The following EFCAB8 variants were observed in gnomAD, a reference collection of about 807,000 sequenced individuals.
The protein encoded by EFCAB8 is EF-hand calcium-binding domain-containing protein 8.
A neutral mutation model predicts 116.3 loss-of-function variants in EFCAB8; 100 were observed. That is an observed-to-expected ratio of 0.86 (90% CI 0.73 to 1.02). The LOEUF is 1.02. EFCAB8 is among the 50% of genes least tolerant of loss of function. The probability of loss-of-function intolerance (pLI) is 0.00; values close to 1 mark genes in which losing one functional copy is unlikely to be tolerated. For missense variants in EFCAB8, 1,320 were observed against 1,416.9 expected (o/e 0.93, Z 1.10); for synonymous variants, 558 against 567.9 (o/e 0.98, Z 0.25).
intron 23 of EFCAB8, among the ~76,000 whole-genome samples, chr20:32,953,782 C>G (rs1988872335): frequency 6.6e-6 from 1 of 152,038 alleles, no homozygotes; most frequent in Non-Finnish European, 1.5e-5. Flanking sequence ...GCTTCGTTTT[C>G]ATTGGGTTGA....
chr20:32,960,316 G>C (rs1028439061), intron 26 of EFCAB8, among the ~76,000 whole-genome samples, 155 bp downstream of exon 26: 3 of 152,200 alleles, frequency 2.0e-5, no homozygotes, highest in Non-Finnish European at 2.9e-5. Context: ...GACAGGTCTG[G>C]GATGAGACTA....
intron 22 of EFCAB8, among the ~76,000 whole-genome samples, chr20:32,935,443 G>A (rs1988082187): frequency 6.6e-6 from 1 of 151,872 alleles, no homozygotes; most frequent in African/African-American, 2.4e-5. Flanking sequence ...CAAGTGATCT[G>A]CCCGCCTTGG....
intron 3 of EFCAB8, among the ~76,000 whole-genome samples, chr20:32,870,810 C>T (rs1295533578): frequency 1.3e-5 from 2 of 151,948 alleles, no homozygotes; most frequent in East Asian, 1.9e-4. Context: ...CCTCCTATGA[C>T]CTTTGGAAAT....
intron 2 of EFCAB8, among the ~76,000 whole-genome samples, chr20:32,864,631 C>T (rs1984296649): frequency 6.6e-6 from 1 of 152,052 alleles, no homozygotes; most frequent in African/African-American, 2.4e-5. Context: ...CACACCCGAG[C>T]CCCCTGATGT....
chr20:32,908,195 G>A (rs1986766436), intron 13 of EFCAB8, 80 bp from the exon 14 acceptor site: 5 of 1,234,602 alleles, frequency 4.0e-6, no homozygotes, highest in Non-Finnish European at 4.1e-6. Context: ...CTTGTTCGCC[G>A]GAGGCACCCC....
chr20:32,935,188 C>CTTTA (rs754022404), intron 22 of EFCAB8, among the ~76,000 whole-genome samples: 1 of 66,930 alleles, frequency 1.5e-5, no homozygotes. Flanking sequence ...TTCTTTCTTT[C>CTTTA]TTTCTTTTTT....
At chr20:32,931,781 C>A (rs968640633) in intron 22 of EFCAB8, among the ~76,000 whole-genome samples, 2 of 151,924 alleles carry the variant, frequency 1.3e-5, no homozygotes, top group African/African-American at 4.8e-5. Context: ...AGTTAGTATT[C>A]GTAATAATGC....
intron 20 of EFCAB8, among the ~76,000 whole-genome samples, chr20:32,929,226 C>G (rs1325979758): frequency 6.6e-6 from 1 of 151,386 alleles, no homozygotes; most frequent in African/African-American, 2.4e-5. Flanking sequence ...GTTATCTCCT[C>G]TTCAGTATTC....
At chr20:32,922,017 C>T (rs1352856311) in intron 20 of EFCAB8, among the ~76,000 whole-genome samples, 4 of 151,870 alleles carry the variant, frequency 2.6e-5, no homozygotes, top group Non-Finnish European at 5.9e-5. Context: ...CTAGTAGAGT[C>T]GGGGTTTCAC....
At chr20:32,911,274 ACGTTCCAGTG>A (rs1475895830) in intron 15 of EFCAB8, among the ~76,000 whole-genome samples, 196 bp from the exon 16 acceptor site, 1 of 152,118 alleles carries the variant, frequency 6.6e-6, no homozygotes, top group Non-Finnish European at 1.5e-5. Context: ...TCTTCACCAA[ACGTTCCAGTG>A]CGTTCCAGTT....
At chr20:32,924,343 C>A (rs919271034) in intron 20 of EFCAB8, among the ~76,000 whole-genome samples, 3 of 152,296 alleles carry the variant, frequency 2.0e-5, no homozygotes, top group African/African-American at 7.2e-5. Flanking sequence ...GGATTACAGG[C>A]ATAAGCCACC....
intron 10 of EFCAB8, 182 bp from the exon 11 acceptor site, chr20:32,898,311 T>A: frequency 3.7e-6 from 2 of 547,752 alleles, no homozygotes; most frequent in South Asian, 5.3e-5. Context: ...AGATGGCCAG[T>A]GCTGGTCATA....
chr20:32,921,361 TTGTGTGTGTG>T (rs71858676), intron 20 of EFCAB8, among the ~76,000 whole-genome samples: 5 of 129,152 alleles, frequency 3.9e-5, no homozygotes, highest in East Asian at 2.2e-4. Context: ...CCCAGCTATT[TTGTGTGTGTG>T]TGTGTGTGTG....
In EFCAB8 at chr20:32,885,565, G is replaced by A. The variant is rs1985582868; in HGVS notation, c.492G>A (p.Gly164=). The change falls in exon 6 of 27, where the codon GGG becomes GGA. Residue 164 remains glycine (G), a synonymous_variant. Transcript: ENST00000400522. ...VFLIHRFKKI[G]CFLTVTKDGI... ...TAATCCACCGGTTCAAGAAGATCGG[G>A]TGTTTCCTGACTGTCACCAAAGACG... 2 of 1,551,770 alleles carry A rather than the reference G, an allele frequency of 1.3e-6. No individual in the cohort carries two copies. Among genetic ancestry groups the A allele is most frequent in the Non-Finnish European group, 1.7e-6 (2 of 1,147,004 alleles).
intron 11 of EFCAB8, among the ~76,000 whole-genome samples, chr20:32,899,566 C>T (rs1000859571): frequency 1.1e-4 from 17 of 152,100 alleles, no homozygotes; most frequent in African/African-American, 3.6e-4. Flanking sequence ...GCCACCACTT[C>T]TGGTTTTTTT....
intron 23 of EFCAB8, among the ~76,000 whole-genome samples, chr20:32,956,612 G>A (rs1212835699): frequency 6.6e-6 from 1 of 152,106 alleles, no homozygotes; most frequent in Non-Finnish European, 1.5e-5. Context: ...AAATCATTCA[G>A]TGGTCTTCTG....
intron 22 of EFCAB8, among the ~76,000 whole-genome samples, chr20:32,939,491 G>A (rs1349980688): frequency 1.4e-5 from 2 of 146,132 alleles, no homozygotes; most frequent in African/African-American, 2.6e-5. Flanking sequence ...CACTGTATTG[G>A]TCACGCTGGT....
chr20:32,960,740 C>T (rs1989121203), intron 26 of EFCAB8, among the ~76,000 whole-genome samples: 1 of 152,198 alleles, frequency 6.6e-6, no homozygotes, highest in Non-Finnish European at 1.5e-5. Flanking sequence ...AATGAGATAA[C>T]ACCGAAGGCC....
chr20:32,874,948 C>A (rs1453163840), intron 3 of EFCAB8, among the ~76,000 whole-genome samples: 1 of 151,926 alleles, frequency 6.6e-6, no homozygotes, highest in Non-Finnish European at 1.5e-5. Context: ...AGGGTTTTGC[C>A]ATGTTGGTCA....
Sources: allele counts gnomAD v4.1 joint callset (sites outside exome capture counted in the v4.1 genomes callset), GRCh38; gene constraint gnomAD v4.1.1; transcripts MANE v1.5; gene names NCBI Gene and HGNC (gene_info 2026-07-23, HGNC 2026-07-21).